NFIA: variants seen among roughly 807,000 people sequenced by gnomAD.
The protein encoded by NFIA is nuclear factor 1 A-type.
NFIA carries 8 observed loss-of-function variants against 62.8 expected under a neutral mutation model. The ratio of observed to expected loss-of-function variants is 0.13; its 90% CI spans 0.07 to 0.23. The LOEUF is 0.23. NFIA is among the 10% of genes least tolerant of loss of function. The pLI is 1.00. For missense variants in NFIA, 410 were observed against 642.1 expected, an observed-to-expected ratio of 0.64 and a Z score of 3.91; for synonymous variants, 235 against 238.1, an observed-to-expected ratio of 0.99 and a Z score of 0.12.
At chr1:61,241,317 G>A (rs113914888) in intron 2 of NFIA, among the ~76,000 whole-genome samples, 3 of 152,096 alleles carry the variant, frequency 2.0e-5, no homozygotes, top group African/African-American at 7.2e-5. Flanking sequence ...GTCTGTTAAA[G>A]GGTTAAAGAA....
rs143996561 is a variant in NFIA at position 61,113,373 on chromosome 1, G to A, written c.559+24693G>A. Among the ~76,000 whole-genome samples the A allele has an allele frequency of 5.7e-4, 86 of 152,106 alleles. 1 individual carries two copies. Among genetic ancestry groups the A allele is most frequent in the African/African-American group, 2.0e-3 (84 of 41,494 alleles). On this transcript the variant is annotated intron_variant, in intron 2 of 10. Transcript: ENST00000403491. ...TTTGGGTGGCCAAGGCAGGTGGATT[G>A]CCTGAGGTCAGGAGTTTGAGACCAG...
intron 2 of NFIA, among the ~76,000 whole-genome samples, chr1:61,209,725 G>A (rs1653125783): frequency 6.6e-6 from 1 of 152,000 alleles, no homozygotes; most frequent in Non-Finnish European, 1.5e-5. Context: ...GGTGGTGTGT[G>A]CCTGTAGTTC....
At chr1:61,330,153 GA>G (rs2100388154) in intron 3 of NFIA, among the ~76,000 whole-genome samples, 1 of 152,250 alleles carries the variant, frequency 6.6e-6, no homozygotes, top group East Asian at 1.9e-4. Flanking sequence ...TTGGTTCTAA[GA>G]ATACCTGTGG....
chr1:61,136,738 ACTTGGAAGTTTTGGCAGACC>A (rs1156779571), intron 2 of NFIA, among the ~76,000 whole-genome samples: 1 of 150,998 alleles, frequency 6.6e-6, no homozygotes, highest in Non-Finnish European at 1.5e-5. Context: ...TTATGGGCTG[ACTTGGAAGTTTTGGCAGACC>A]TGGGTTCAAA....
At chr1:61,276,296 T>TA (rs1420048399) in intron 2 of NFIA, among the ~76,000 whole-genome samples, 2 of 152,240 alleles carry the variant, frequency 1.3e-5, no homozygotes, top group African/African-American at 2.4e-5. Flanking sequence ...CTAAGGTCAC[T>TA]AGTAGTGCCA....
At chr1:61,380,760 TAGA>T (rs1210995096) in intron 6 of NFIA, among the ~76,000 whole-genome samples, 1 of 152,178 alleles carries the variant, frequency 6.6e-6, no homozygotes, top group African/African-American at 2.4e-5. Flanking sequence ...GTGATAAATT[TAGA>T]AGATTATACA....
chr1:61,274,516 T>C (rs1173444028), intron 2 of NFIA, among the ~76,000 whole-genome samples: 4 of 152,210 alleles, frequency 2.6e-5, no homozygotes, highest in African/African-American at 4.8e-5. Flanking sequence ...CTCACTGGTA[T>C]GGGAGACTCA....
rs529052459 is a variant in NFIA, at chr1:61,308,352, A to G, written c.626-24160A>G. Among the ~76,000 whole-genome samples the G allele has an allele frequency of 5.9e-5, 9 of 152,346 alleles. No homozygotes were observed. The South Asian group carries it at 1.0e-3, about 18-fold the overall frequency. On this transcript the variant is annotated intron_variant, in intron 3 of 10. Coordinates refer to ENST00000403491, the MANE Select transcript of NFIA (RefSeq NM_001134673.4). ...GGAGTAAATGAGTAGAAAAAAATCC[A>G]TAAGATATCATCATCATCAATAATA...
intron 2 of NFIA, among the ~76,000 whole-genome samples, chr1:61,102,138 G>A (rs191692971): frequency 1.3e-3 from 195 of 152,230 alleles, no homozygotes; most frequent in African/African-American, 4.3e-3. Context: ...AAATGGCATG[G>A]GATTGTCATA....
chr1:61,160,526 C>T (rs1209227070), intron 2 of NFIA, among the ~76,000 whole-genome samples: 1 of 152,174 alleles, frequency 6.6e-6, no homozygotes, highest in Non-Finnish European at 1.5e-5. Context: ...TCCCATCTCC[C>T]AGGTAGAGGA....
At chr1:61,290,838 T>C (rs1217000712) in intron 3 of NFIA, among the ~76,000 whole-genome samples, 1 of 151,680 alleles carries the variant, frequency 6.6e-6, no homozygotes, top group African/African-American at 2.4e-5. Context: ...TATGCATTTT[T>C]TCCCCTTATA....
chr1:61,356,189 G>C (rs1662942969), intron 5 of NFIA, among the ~76,000 whole-genome samples: 1 of 152,090 alleles, frequency 6.6e-6, no homozygotes, highest in Non-Finnish European at 1.5e-5. Flanking sequence ...AGTATCTTCT[G>C]TTAGCCAGAC....
At chr1:61,117,968 G>C (rs1380416199) in intron 2 of NFIA, among the ~76,000 whole-genome samples, 1 of 152,128 alleles carries the variant, frequency 6.6e-6, no homozygotes, top group East Asian at 1.9e-4. Context: ...TGGATTGCCT[G>C]AGATCAGGAG....
chr1:61,359,378 G>A, intron 6 of NFIA, 104 bp downstream of exon 6: 1 of 1,518,112 alleles, frequency 6.6e-7, no homozygotes, highest in Admixed American at 2.0e-5. Flanking sequence ...GCTCAAGGTA[G>A]TTCACTTTTT....
upstream of NFIA, chr1:61,077,408 G>A (rs1371206862): frequency 7.3e-6 from 3 of 411,198 alleles, no homozygotes; most frequent in African/African-American, 4.0e-5. Flanking sequence ...GAGGGAGAGA[G>A]CGCGCCTTGC....
chr1:61,338,289 G>T (rs1356725357), intron 4 of NFIA, among the ~76,000 whole-genome samples: 1 of 152,226 alleles, frequency 6.6e-6, no homozygotes, highest in Non-Finnish European at 1.5e-5. Context: ...TCCTGGCTCT[G>T]CCACAAAGCT....
At position 61,244,029 on chromosome 1, in the gene NFIA, G is replaced by A. The variant is rs368112996; in HGVS notation, c.560-33491G>A. Among the ~76,000 whole-genome samples the A allele has an allele frequency of 1.1e-4, 17 of 152,092 alleles. No individual in the cohort carries two copies. The South Asian group carries it at 1.2e-3, about 11-fold the overall frequency. ...TATTTAGCATTTTACCCTTTTCTAC[G>A]TAGCATACACGTGTAATTAGTACAT... On this transcript the variant is annotated intron_variant, in intron 2 of 10. Coordinates refer to ENST00000403491, the MANE Select transcript of NFIA (RefSeq NM_001134673.4).
At chr1:61,327,359 T>C (rs1264207085) in intron 3 of NFIA, among the ~76,000 whole-genome samples, 5 of 151,998 alleles carry the variant, frequency 3.3e-5, no homozygotes, top group Admixed American at 6.6e-5. Flanking sequence ...CTCACCCAAG[T>C]AGTGTAACTT....
At chr1:61,184,037 C>T (rs1650942446) in intron 2 of NFIA, among the ~76,000 whole-genome samples, 1 of 145,594 alleles carries the variant, frequency 6.9e-6, no homozygotes, top group African/African-American at 2.6e-5. Context: ...GAGTGTATGC[C>T]GAACTGTGAA....
Sources: gnomAD v4.1 joint callset for allele counts (sites outside exome capture counted in the v4.1 genomes callset) on GRCh38, gnomAD v4.1.1 for gene constraint, MANE v1.5 for transcripts, NCBI Gene and HGNC (gene_info 2026-07-23, HGNC 2026-07-21) for gene names.